PLEKHA7: variants seen among roughly 807,000 people sequenced by gnomAD.
PLEKHA7 encodes pleckstrin homology domain-containing family A member 7.
Under a neutral mutation model 170.0 loss-of-function variants are expected in PLEKHA7, and 104 were observed. The observed-to-expected ratio is 0.61, with a 90% CI of 0.52 to 0.72. The LOEUF (loss-of-function observed/expected upper bound fraction) is 0.72. Ranked by LOEUF, PLEKHA7 falls within the 30% of genes least tolerant of loss-of-function variation. The pLI is 0.00. For missense variants in PLEKHA7, 1,615 were observed against 1,671.7 expected (o/e 0.97, Z 0.59); for synonymous variants, 648 against 660.8 (o/e 0.98, Z 0.30).
At chr11:16,862,474 A>C (rs1201507482) in intron 4 of PLEKHA7, among the ~76,000 whole-genome samples, 3 of 152,176 alleles carry the variant, frequency 2.0e-5, no homozygotes, top group Non-Finnish European at 1.5e-5. Context: ...TTTTTACTGG[A>C]GATCTGAGCA....
intron 6 of PLEKHA7, among the ~76,000 whole-genome samples, chr11:16,853,918 T>C (rs764677150): frequency 1.3e-5 from 2 of 152,176 alleles, no homozygotes; most frequent in South Asian, 4.1e-4. Context: ...TCCTCTGTCT[T>C]CCCACAAAGC....
chr11:17,012,236 A>ATT (rs1865360391), intron 3 of PLEKHA7, among the ~76,000 whole-genome samples: 1 of 152,208 alleles, frequency 6.6e-6, no homozygotes, highest in Non-Finnish European at 1.5e-5. Flanking sequence ...GGCTTAGAAT[A>ATT]AAGTATGAAA....
At chr11:16,849,724 T>C (rs1852763139) in intron 8 of PLEKHA7, among the ~76,000 whole-genome samples, 1 of 152,216 alleles carries the variant, frequency 6.6e-6, no homozygotes, top group Non-Finnish European at 1.5e-5. Context: ...CTCATATCCT[T>C]CCCTCACCAT....
intron 3 of PLEKHA7, among the ~76,000 whole-genome samples, chr11:16,909,548 T>G (rs1057244833): frequency 1.3e-5 from 2 of 152,178 alleles, no homozygotes; most frequent in Non-Finnish European, 2.9e-5. Context: ...GGCAGCAGCC[T>G]AGACAGGTGC....
chr11:16,814,404 G>A (rs962564561), intron 12 of PLEKHA7, among the ~76,000 whole-genome samples: 1 of 152,180 alleles, frequency 6.6e-6, no homozygotes, highest in African/African-American at 2.4e-5. Context: ...TCTGTCCCCT[G>A]CCTACCTCTG....
intron 3 of PLEKHA7, among the ~76,000 whole-genome samples, chr11:16,908,779 A>G (rs1472654434): frequency 6.6e-6 from 1 of 152,184 alleles, no homozygotes; most frequent in African/African-American, 2.4e-5. Context: ...TACAGGCATG[A>G]GCCACCGCGC....
chr11:16,801,979 G>C (rs939166230), intron 15 of PLEKHA7, among the ~76,000 whole-genome samples, 162 bp from the exon 16 acceptor site: 1 of 152,198 alleles, frequency 6.6e-6, no homozygotes, highest in Non-Finnish European at 1.5e-5. Flanking sequence ...CTCTGACTCT[G>C]TCTAGGGAGT....
At chr11:16,846,243 C>T (rs761303227) in intron 8 of PLEKHA7, among the ~76,000 whole-genome samples, 30 of 151,608 alleles carry the variant, frequency 2.0e-4, no homozygotes, top group African/African-American at 6.1e-4. Context: ...GGAGATCACG[C>T]GACTACACTC....
At chr11:16,965,943 G>A (rs566840551) in intron 3 of PLEKHA7, among the ~76,000 whole-genome samples, 1 of 152,192 alleles carries the variant, frequency 6.6e-6, no homozygotes, top group Non-Finnish European at 1.5e-5. Flanking sequence ...AGCACTTTGG[G>A]AGGCCAAGGC....
At chr11:16,923,409 G>A (rs1044331886) in intron 3 of PLEKHA7, among the ~76,000 whole-genome samples, 3 of 152,282 alleles carry the variant, frequency 2.0e-5, no homozygotes, top group African/African-American at 2.4e-5. Context: ...TGTACACACC[G>A]CAAACCCAGG....
chr11:16,989,032 T>C (rs1863889733), intron 3 of PLEKHA7, among the ~76,000 whole-genome samples: 2 of 152,302 alleles, frequency 1.3e-5, no homozygotes, highest in South Asian at 2.1e-4. Context: ...AATAGCCACA[T>C]CTTCCTCAAA....
chr11:16,847,540 G>A (rs554353265), intron 8 of PLEKHA7, among the ~76,000 whole-genome samples: 1 of 152,066 alleles, frequency 6.6e-6, no homozygotes, highest in East Asian at 1.9e-4. Context: ...ATCACAATTG[G>A]CTTAATCAGA....
At chr11:16,952,011 C>G (rs1372226137) in intron 3 of PLEKHA7, among the ~76,000 whole-genome samples, 2 of 152,208 alleles carry the variant, frequency 1.3e-5, no homozygotes, top group Non-Finnish European at 1.5e-5. Flanking sequence ...TCTGAAATAG[C>G]CTTCCACACT....
At chr11:16,928,372 T>C (rs1859709241) in intron 3 of PLEKHA7, among the ~76,000 whole-genome samples, 1 of 151,496 alleles carries the variant, frequency 6.6e-6, no homozygotes, top group South Asian at 2.1e-4. Context: ...CAGAATTCAA[T>C]TTTCTACTAC....
At chr11:16,781,567 A>C (rs1247707369) in intron 26 of PLEKHA7, among the ~76,000 whole-genome samples, 1 of 152,174 alleles carries the variant, frequency 6.6e-6, no homozygotes, top group Non-Finnish European at 1.5e-5. Context: ...TAATCCCAGA[A>C]CACCACACCG....
At chr11:16,847,090 CTTTT>C (rs59132787) in intron 8 of PLEKHA7, among the ~76,000 whole-genome samples, 1 of 70,816 alleles carries the variant, frequency 1.4e-5, no homozygotes, top group Admixed American at 2.1e-4. Flanking sequence ...TTTTTTTTTT[CTTTT>C]TTTTTTTTTT....
chr11:16,847,864 A>AT (rs1852583438), intron 8 of PLEKHA7, among the ~76,000 whole-genome samples: 1 of 138,302 alleles, frequency 7.2e-6, no homozygotes, highest in South Asian at 2.3e-4. Context: ...AAAAAAAAAA[A>AT]ATGGCTTTAT....
chr11:16,989,468 C>G (rs144428557), intron 3 of PLEKHA7, among the ~76,000 whole-genome samples: 1 of 152,284 alleles, frequency 6.6e-6, no homozygotes, highest in Non-Finnish European at 1.5e-5. Context: ...CAAGAACTTC[C>G]CCAAAGTCAA....
intron 3 of PLEKHA7, among the ~76,000 whole-genome samples, chr11:16,967,594 G>C (rs959125000): frequency 6.6e-6 from 1 of 152,060 alleles, no homozygotes; most frequent in Non-Finnish European, 1.5e-5. Context: ...CCTCCTGTCA[G>C]AGAGTCCTGG....
Sources: allele counts gnomAD v4.1 joint callset (sites outside exome capture counted in the v4.1 genomes callset), GRCh38; gene constraint gnomAD v4.1.1; transcripts MANE v1.5; gene names NCBI Gene and HGNC (gene_info 2026-07-23, HGNC 2026-07-21).